CDKN2AIP: variants seen among roughly 807,000 people sequenced by gnomAD.
The protein encoded by CDKN2AIP is CDKN2A-interacting protein.
CDKN2AIP carries 12 observed loss-of-function variants against 44.1 expected under a neutral mutation model. That is an observed-to-expected ratio of 0.27 (90% CI 0.17 to 0.44). CDKN2AIP has a LOEUF of 0.44. CDKN2AIP is among the 20% of genes least tolerant of loss of function. CDKN2AIP has a pLI of 1.00. For missense variants in CDKN2AIP, 705 were observed against 681.6 expected (o/e 1.03, Z -0.38); for synonymous variants, 291 against 272.1 (o/e 1.07, Z -0.68).
At chr4:183,445,351 G>A in intron 1 of CDKN2AIP, 184 bp from the exon 2 acceptor site, 2 of 623,920 alleles carry the variant, frequency 3.2e-6, no homozygotes, top group Non-Finnish European at 2.8e-6. Context: ...TTTAAGATTA[G>A]TGAGGAGGTG....
chr4:183,445,476 T>TTGCACA (rs1733646675), intron 1 of CDKN2AIP, 59 bp from the exon 2 acceptor site: 6 of 1,349,386 alleles, frequency 4.4e-6, no homozygotes, highest in African/African-American at 1.4e-5. Context: ...GCCTGTTTTT[T>TTGCACA]GCACAAGTAG....
At chr4:183,445,974 C>T in intron 2 of CDKN2AIP, 114 bp from the exon 3 acceptor site, 1 of 872,566 alleles carries the variant, frequency 1.1e-6, no homozygotes, top group Non-Finnish European at 1.8e-6. Context: ...TTTAAAGAAA[C>T]GATTAGTCTT....
At chr4:183,445,932 C>A in intron 2 of CDKN2AIP, 156 bp from the exon 3 acceptor site, 2 of 679,018 alleles carry the variant, frequency 2.9e-6, no homozygotes, top group Non-Finnish European at 5.0e-6. Context: ...TGTTATTCAA[C>A]ACTGTTTTAA....
rs1166257270 is a variant in CDKN2AIP, at chr4:183,446,451, T to C, written c.767T>C (p.Met256Thr). Residue 256 changes from methionine to threonine, a missense_variant, in exon 3 of 3, where the codon ATG becomes ACG. By Grantham distance (81) the Met-to-Thr change is moderately conservative. Transcript: ENST00000504169. ...CTGAAATCCAGTGTGAATAGTCACA[T>C]GACCCAATCCACTGATTCTAGACAA... ...SLLKSSVNSH[M>T]TQSTDSRQQS... The C allele has an allele frequency of 6.2e-7, 1 of 1,614,034 alleles. No individual in the cohort carries two copies. Among genetic ancestry groups the C allele is most frequent in the Admixed American group, 1.7e-5 (1 of 60,030 alleles).
chr4:183,446,071 GTTT>G lies in CDKN2AIP; in HGVS notation c.404-14_404-12del. On this transcript the variant is annotated splice_polypyrimidine_tract_variant and intron_variant, in intron 2 of 2. Coordinates refer to ENST00000504169, the MANE Select transcript of CDKN2AIP (RefSeq NM_017632.4). ...GAGGTATTCTTAGTCACATATCTAT[GTTT>G]TTCTTCTTTTTAGAAGGGGTAGAAG... 6.4e-7 allele frequency: 1 copy of G among 1,570,898 alleles called. No homozygotes were observed.
rs1263740017 is a variant in CDKN2AIP, at chr4:183,448,172, C to CT, written c.*748dup. 1 of 152,134 alleles carries CT rather than the reference C, an allele frequency of 6.6e-6. No homozygotes were observed. The highest frequency in any genetic ancestry group is 1.5e-5 in the Non-Finnish European group (1 of 68,000). 9.4% of individuals were successfully genotyped at this position (152,134 alleles called of 1,614,324 possible). On this transcript the variant is annotated 3_prime_UTR_variant, in exon 3 of 3. Transcript: ENST00000504169. ...GATTGATTTGTTTAGATATTAAATG[C>CT]TTTAAGCTATTTTACCTTTTCAAGA...
rs1385401811 is a variant in CDKN2AIP, at chr4:183,446,613, C to T, written c.929C>T (p.Pro310Leu). ...EVELPLLSSK[P>L]SSETASSGLT... ...GAATTGCCACTATTGTCTTCCAAAC[C>T]TAGTTCAGAGACAGCTTCAAGTGGG... Residue 310 changes from proline to leucine, a missense_variant, in exon 3 of 3, where the codon CCT becomes CTT. Physicochemically the swap from Pro to Leu is moderately conservative, Grantham distance 98. Coordinates refer to ENST00000504169, the MANE Select transcript of CDKN2AIP (RefSeq NM_017632.4). 5 of 1,613,872 alleles carry T rather than the reference C, an allele frequency of 3.1e-6. No homozygotes were observed. In the South Asian group the frequency reaches 4.4e-5, roughly 14 times the overall value.
rs1340964228 is a variant in CDKN2AIP at position 183,446,257 on chromosome 4, T to G, written c.573T>G (p.Ala191=). 2 of 1,614,046 alleles carry G rather than the reference T, an allele frequency of 1.2e-6. No individual in the cohort carries two copies. The highest frequency in any genetic ancestry group is 2.2e-5 in the South Asian group (2 of 91,082). The part of the protein sequence containing the change: ...SAIKSESGNS[A]RSSGISSQNS... ...TCAAATCAGAGAGTGGGAACTCAGC[T>G]CGGAGCTCTGGCATCTCCAGTCAGA... is the stretch of plus-strand genomic sequence containing the variant. The change falls in exon 3 of 3, where the codon GCT becomes GCG. Residue 191 remains alanine (A), a synonymous_variant. Transcript: ENST00000504169.
In CDKN2AIP at chr4:183,446,473, A is replaced by C. The variant is rs1315011093; in HGVS notation, c.789A>C (p.Arg263Ser). Reference protein sequence around the residue: ...NSHMTQSTDSRQQSGSPKKSA... With the variant: ...NSHMTQSTDSSQQSGSPKKSA... ...ACATGACCCAATCCACTGATTCTAG[A>C]CAACAAAGTGGATCACCTAAAAAGA... is the stretch of plus-strand genomic sequence containing the variant. The change falls in exon 3 of 3, where the codon AGA becomes AGC. Residue 263 changes from arginine (R) to serine (S), a missense_variant. Arg to Ser is a moderately radical substitution (Grantham distance 110). This residue lies in a region of CDKN2AIP where 592 missense variants were observed against 518.0 expected (regional missense o/e 1.14). Coordinates refer to ENST00000504169, the MANE Select transcript of CDKN2AIP (RefSeq NM_017632.4). The C allele has an allele frequency of 6.2e-7, 1 of 1,613,718 alleles. No homozygotes were observed. The highest frequency in any genetic ancestry group is 8.5e-7 in the Non-Finnish European group (1 of 1,179,688).
In CDKN2AIP at chr4:183,444,716, C is replaced by G; in HGVS notation, c.-82C>G. Reference sequence around the variant, plus strand: ...GGCGTTATCTGGAGGGCCGCGGGTGCAGGCCGCAGTGACAGGGCCGCTCGC... The same window carrying G: ...GGCGTTATCTGGAGGGCCGCGGGTGGAGGCCGCAGTGACAGGGCCGCTCGC... On this transcript the variant is annotated 5_prime_UTR_variant, in exon 1 of 3. Transcript: ENST00000504169. 7.3e-7 allele frequency: 1 copy of G among 1,373,260 alleles called. No homozygotes were observed. The highest frequency in any genetic ancestry group is 9.6e-7 in the Non-Finnish European group (1 of 1,038,458). 85.1% of individuals were successfully genotyped at this position (1,373,260 alleles called of 1,614,324 possible).
At chr4:183,445,364 C>T (rs1233134949) in intron 1 of CDKN2AIP, 171 bp from the exon 2 acceptor site, 5 of 633,136 alleles carry the variant, frequency 7.9e-6, no homozygotes, top group Admixed American at 5.9e-5. Flanking sequence ...AGGAGGTGCC[C>T]TGCCTCCCAG....
intron 1 of CDKN2AIP, 49 bp from the exon 2 acceptor site, chr4:183,445,486 G>A: frequency 8.5e-7 from 1 of 1,179,208 alleles, no homozygotes; most frequent in Non-Finnish European, 1.2e-6. Flanking sequence ...TGCACAAGTA[G>A]GACCTTAGAA....
In CDKN2AIP at chr4:183,445,084, G is replaced by T. The variant is rs1287429315; in HGVS notation, c.272+15G>T. 1.9e-6 allele frequency: 3 copies of T among 1,565,218 alleles called. No homozygotes were observed. The East Asian group carries it at 6.9e-5, about 36-fold the overall frequency. On this transcript the variant is annotated intron_variant, in intron 1 of 2. Coordinates refer to ENST00000504169, the MANE Select transcript of CDKN2AIP (RefSeq NM_017632.4). ...CTCGGGTGCCGGTGAGTGAGGCAGCGTCCCTAACCAGCACGCCTCGTTTTG... is the reference window on the plus strand; with the variant it reads ...CTCGGGTGCCGGTGAGTGAGGCAGCTTCCCTAACCAGCACGCCTCGTTTTG...
rs747512303 is a variant in CDKN2AIP at position 183,446,158 on chromosome 4, C to T, written c.474C>T (p.His158=). The T allele has an allele frequency of 1.9e-5, 30 of 1,613,766 alleles. No individual in the cohort carries two copies. The highest frequency in any genetic ancestry group is 5.5e-5 in the South Asian group (5 of 91,092). Residue 158 remains histidine (H), a synonymous_variant, in exon 3 of 3, where the codon CAC becomes CAT. Coordinates refer to ENST00000504169, the MANE Select transcript of CDKN2AIP (RefSeq NM_017632.4). ...GKNSSAVEQD[H]AKTSAKTERA... is the part of the protein sequence containing the mutation. ...ACAGTTCTGCAGTTGAGCAAGATCACGCAAAAACCTCTGCCAAGACAGAAC... is the reference window on the plus strand; with the variant it reads ...ACAGTTCTGCAGTTGAGCAAGATCATGCAAAAACCTCTGCCAAGACAGAAC...
In CDKN2AIP at chr4:183,445,803, C is replaced by T. The variant is rs143816918; in HGVS notation, c.403+138C>T. ...AAGTAATAAAGTTGGAATGTTAAAC[C>T]TAAAGTATATATCTGTGTCTTTAGG... On this transcript the variant is annotated intron_variant, in intron 2 of 2. Coordinates refer to ENST00000504169, the MANE Select transcript of CDKN2AIP (RefSeq NM_017632.4). 6.5e-3 allele frequency: 4,763 copies of T among 734,042 alleles called. 24 individuals carry two copies. The highest frequency in any genetic ancestry group is 8.4e-3 in the Non-Finnish European group (3,721 of 441,458). 45.5% of individuals were successfully genotyped at this position (734,042 alleles called of 1,614,324 possible).
rs751388345 is a variant in CDKN2AIP, at chr4:183,446,548, C to G, written c.864C>G (p.Ile288Met). The G allele has an allele frequency of 1.4e-5, 23 of 1,613,828 alleles. No homozygotes were observed. In the East Asian group the frequency reaches 4.9e-4, roughly 34 times the overall value. The change falls in exon 3 of 3, where the codon ATC (isoleucine) becomes ATG (methionine). Residue 288 changes from isoleucine to methionine, a missense_variant. Ile to Met is a conservative substitution (Grantham distance 10). Around this residue, in one of 2 missense-constraint regions of CDKN2AIP, gnomAD observed 592 missense variants for 518.0 expected, o/e 1.14. Transcript: ENST00000504169. ...SASASQSSSE[I>M]EVPLLGSSGS... ...CAGCTTCTCAAAGCAGCTCAGAGAT[C>G]GAGGTGCCCTTGTTGGGCTCCTCAG...
Position 183,446,045 on chromosome 4 carries a change from C to T in CDKN2AIP, c.404-43C>T, listed in dbSNP as rs780491208. The T allele has an allele frequency of 4.2e-5, 62 of 1,487,816 alleles. No homozygotes were observed. In the South Asian group the frequency reaches 6.7e-4, roughly 16 times the overall value. The allele number at this position is 1,487,816 out of a possible 1,614,324, so 92.2% of individuals were successfully genotyped here. ...TATTTGTCTCATCACCCGTTTTGTA[C>T]GAGGTATTCTTAGTCACATATCTAT... On this transcript the variant is annotated intron_variant, in intron 2 of 2. Transcript: ENST00000504169.
chr4:183,445,755 G>A (rs1442779010), intron 2 of CDKN2AIP, 90 bp downstream of exon 2: 9 of 1,091,726 alleles, frequency 8.2e-6, no homozygotes, highest in Non-Finnish European at 1.2e-5. Flanking sequence ...TTTTTAACAA[G>A]CCAGAATTTT....
chr4:183,445,301 C>T (rs1579139563), intron 1 of CDKN2AIP: 1 of 634,074 alleles, frequency 1.6e-6, no homozygotes, highest in Admixed American at 3.0e-5. Context: ...GGTAGGGTTG[C>T]TTGTGTTAGG....
Sources: allele counts gnomAD v4.1 joint callset, GRCh38; gene constraint gnomAD v4.1.1; regional missense constraint gnomAD v4.1.1; transcripts MANE v1.5; gene names NCBI Gene and HGNC (gene_info 2026-07-23, HGNC 2026-07-21).